The following ARVCF variants were observed in gnomAD, a reference collection of about 807,000 sequenced individuals.
ARVCF encodes the protein ARVCF delta catenin family member.
Under a neutral mutation model 90.9 loss-of-function variants are expected in ARVCF, and 66 were observed. That is an observed-to-expected ratio of 0.73 (90% CI 0.60 to 0.89). The LOEUF (loss-of-function observed/expected upper bound fraction) is 0.89. ARVCF is among the 40% of genes least tolerant of loss of function. The pLI is 0.00. For synonymous variants in ARVCF, 653 were observed against 603.4 expected, an observed-to-expected ratio of 1.08 and a Z score of -1.21; for missense variants, 1,469 against 1,382.3, an observed-to-expected ratio of 1.06 and a Z score of -1.00.
Position 19,980,248 on chromosome 22 carries a change from C to G in ARVCF, c.897-6G>C, listed in dbSNP as rs1943419339. Reference sequence around the variant, plus strand: ...CTGCTGTGTCCTCGTAGGCCCTGCACAGGCAAGTGGGGCGCGTGGACATCG... The same window carrying G: ...CTGCTGTGTCCTCGTAGGCCCTGCAGAGGCAAGTGGGGCGCGTGGACATCG... On this transcript the variant is annotated splice_polypyrimidine_tract_variant and splice_region_variant and intron_variant, in intron 5 of 19. Coordinates refer to ENST00000263207, the MANE Select transcript of ARVCF (RefSeq NM_001670.3). 1 of 1,513,644 alleles carries G rather than the reference C, an allele frequency of 6.6e-7. No homozygotes were observed. The highest frequency in any genetic ancestry group is 1.4e-5 in the African/African-American group (1 of 72,190). 93.8% of individuals were successfully genotyped at this position (1,513,644 alleles called of 1,614,324 possible). A position where few individuals can be genotyped will look rare whatever the true frequency, so the allele number is the denominator to read the frequency against.
At position 19,971,310 on chromosome 22, in the gene ARVCF, G is replaced by C. The variant is rs1465846119; in HGVS notation, c.2807C>G (p.Pro936Arg). The C allele has an allele frequency of 6.4e-7, 1 of 1,555,786 alleles. No homozygotes were observed. The highest frequency in any genetic ancestry group is 1.2e-5 in the South Asian group (1 of 84,542). Residue 936 changes from proline to arginine, a missense_variant, in exon 19 of 20, where the codon CCC (proline) becomes CGC (arginine). By Grantham distance (103) the Pro-to-Arg change is moderately radical (BLOSUM62 -2). Coordinates refer to ENST00000263207, the MANE Select transcript of ARVCF (RefSeq NM_001670.3). Reference sequence around the variant, plus strand: ...GACCGCGGGCCTGCTGGGCCCGGGGGGAGGGGCCTTCCTGCTGGGGTCGAG... The same window carrying C: ...GACCGCGGGCCTGCTGGGCCCGGGGCGAGGGGCCTTCCTGCTGGGGTCGAG... ...LKLDPSRKAP[P>R]PGPSRPAVRL...
At position 19,981,587 on chromosome 22, in the gene ARVCF, G is replaced by A; in HGVS notation, c.520C>T (p.Pro174Ser). The A allele has an allele frequency of 6.2e-7, 1 of 1,606,738 alleles. No homozygotes were observed. Among genetic ancestry groups the A allele is most frequent in the Non-Finnish European group, 8.5e-7 (1 of 1,179,392 alleles). The part of the protein sequence containing the change: ...DRHFLLRGGG[P>S]VATLSRAYLS... ...TAGGCTCGAGAGAGTGTGGCCACTG[G>A]GCCACCACCACGCAGCAGGAAATGC... The change falls in exon 5 of 20, where the codon CCA becomes TCA. Residue 174 changes from proline to serine, a missense_variant. By Grantham distance (74) the Pro-to-Ser change is moderately conservative. Coordinates refer to ENST00000263207, the MANE Select transcript of ARVCF (RefSeq NM_001670.3).
Position 19,971,960 on chromosome 22 carries a change from T to C in ARVCF, c.2707A>G (p.Thr903Ala). The change falls in exon 18 of 20, where the codon ACG (threonine) becomes GCG (alanine). Residue 903 changes from threonine to alanine, a missense_variant. Physicochemically the swap from Thr to Ala is moderately conservative, Grantham distance 58 (BLOSUM62 0). Transcript: ENST00000263207. Reference protein sequence around the residue: ...MDALGPDGYSTVDRRERRPRG... With the variant: ...MDALGPDGYSAVDRRERRPRG... ...GGCCTCCGCTCCCTCCGGTCCACCG[T>C]GGAGTATCCGTCTGTAGATGGGGTA... 6.2e-7 allele frequency: 1 copy of C among 1,610,932 alleles called. No homozygotes were observed. The highest frequency in any genetic ancestry group is 1.1e-5 in the South Asian group (1 of 90,866).
chr22:19,997,603 G>A (rs73387762), intron 2 of ARVCF, among the ~76,000 whole-genome samples: 2,470 of 152,296 alleles, frequency 0.016, 67 homozygotes, highest in African/African-American at 0.056. Context: ...ACTCCAAGCC[G>A]TGGAGTAGTG....
At chr22:19,972,894 G>A (rs771734484) in intron 15 of ARVCF, 31 bp downstream of exon 15, 10 of 1,613,718 alleles carry the variant, frequency 6.2e-6, no homozygotes, top group South Asian at 2.2e-5. Flanking sequence ...AAAGTGAGCA[G>A]GGAATGGAAG....
downstream of ARVCF, chr22:19,967,406 T>C (rs1182359017): frequency 4.2e-6 from 2 of 474,252 alleles, no homozygotes; most frequent in Non-Finnish European, 8.6e-6. Context: ...TTTTTTTTTT[T>C]CTAAATGAAA....
At chr22:19,994,637 AGGATGAACATAT>A (rs1483299660) in intron 2 of ARVCF, among the ~76,000 whole-genome samples, 1 of 41,732 alleles carries the variant, frequency 2.4e-5, no homozygotes, top group Non-Finnish European at 4.2e-5. Context: ...GGGATGGTGG[AGGATGAACATAT>A]GGATGAATGG....
downstream of ARVCF, among the ~76,000 whole-genome samples, chr22:19,965,947 T>C (rs1942367783): frequency 6.6e-6 from 1 of 152,194 alleles, no homozygotes; most frequent in Non-Finnish European, 1.5e-5. Flanking sequence ...CAGATGGGCT[T>C]CACTTGGGCA....
downstream of ARVCF, chr22:19,968,989 A>C (rs1942593051): frequency 2.5e-6 from 1 of 394,276 alleles, no homozygotes; most frequent in Admixed American, 4.0e-5. Context: ...ATGTTTTAAA[A>C]ATATAAAATA....
intron 2 of ARVCF, among the ~76,000 whole-genome samples, chr22:20,005,452 A>T (rs945375193): frequency 3.9e-5 from 6 of 152,164 alleles, no homozygotes; most frequent in African/African-American, 1.4e-4. Context: ...TAAGATCAGT[A>T]TGGCAATTCC....
Position 19,970,594 on chromosome 22 carries a change from G to GGGGGGGGGGGGGGGGGGGC in ARVCF, c.*161_*162insGCCCCCCCCCCCCCCCCCC. ...AGGATGGGGGGAGTGGGGTGGGGGG[G>GGGGGGGGGGGGGGGGGGGC]CAGGAGGGTGTCCCCAAAGTCAGGC... On this transcript the variant is annotated 3_prime_UTR_variant, in exon 20 of 20. Coordinates refer to ENST00000263207, the MANE Select transcript of ARVCF (RefSeq NM_001670.3). 5.7e-6 allele frequency: 3 copies of GGGGGGGGGGGGGGGGGGGC among 524,960 alleles called. No homozygotes were observed. The highest frequency in any genetic ancestry group is 9.5e-6 in the Non-Finnish European group (3 of 316,844). The allele number at this position is 524,960 out of a possible 1,614,324, so 32.5% of individuals were successfully genotyped here.
At chr22:20,012,419 G>A (rs1222661312) in intron 1 of ARVCF, among the ~76,000 whole-genome samples, 2 of 152,224 alleles carry the variant, frequency 1.3e-5, no homozygotes, top group African/African-American at 2.4e-5. Context: ...GGCAGTGGAC[G>A]GACAGAGGGA....
Position 19,981,616 on chromosome 22 carries a change from T to C in ARVCF, c.491A>G (p.Asp164Gly), listed in dbSNP as rs774621901. 33 of 1,607,956 alleles carry C rather than the reference T, an allele frequency of 2.1e-5. No individual in the cohort carries two copies. The highest frequency in any genetic ancestry group is 2.6e-5 in the Non-Finnish European group (31 of 1,179,656). ...PLGPFADGAL[D>G]RHFLLRGGGP... ...ACCACCACGCAGCAGGAAATGCCGG[T>C]CCAGGGCACCATCTGCAAAAGGGCC... Residue 164 changes from aspartate to glycine, a missense_variant, in exon 5 of 20, where the codon GAC becomes GGC. Asp to Gly is a moderately conservative substitution (Grantham distance 94, BLOSUM62 -1). Transcript: ENST00000263207.
chr22:19,969,860 C>T (rs1185447228), downstream of ARVCF: 4 of 985,380 alleles, frequency 4.1e-6, no homozygotes, highest in Admixed American at 6.1e-5. Context: ...AGAAGCCAGC[C>T]ACTTGTGCCA....
chr22:20,007,914 A>T (rs541487095), intron 2 of ARVCF, among the ~76,000 whole-genome samples: 9 of 152,374 alleles, frequency 5.9e-5, no homozygotes, highest in African/African-American at 1.9e-4. Flanking sequence ...TGTGTACAAA[A>T]CTAAAGTAAA....
intron 18 of ARVCF, among the ~76,000 whole-genome samples, 179 bp from the exon 19 acceptor site, chr22:19,971,514 G>A (rs1026028789): frequency 1.4e-4 from 21 of 152,202 alleles, no homozygotes; most frequent in Admixed American, 1.4e-3. Context: ...CCCAGGGCGG[G>A]CACGTGCACA....
intron 2 of ARVCF, among the ~76,000 whole-genome samples, chr22:19,994,139 G>A (rs1349835500): frequency 6.6e-6 from 1 of 152,102 alleles, no homozygotes; most frequent in Non-Finnish European, 1.5e-5. Flanking sequence ...ATGGAGGGTG[G>A]CTGGGGCAGT....
At chr22:19,987,424 C>T (rs1156917529) in intron 3 of ARVCF, among the ~76,000 whole-genome samples, 2 of 145,524 alleles carry the variant, frequency 1.4e-5, no homozygotes, top group East Asian at 4.5e-4. Flanking sequence ...TGGACTTCTG[C>T]TCCCTCCCCC....
rs1569196890 is a variant in ARVCF at position 20,008,622 on chromosome 22, G to GT, written c.-19+1832dup. ...CACATGGGTGTTTACATCAGCCCCT[G>GT]TCCCAGCTGAGCCCTGAGGCTCCCT... On this transcript the variant is annotated intron_variant, in intron 2 of 19. Transcript: ENST00000263207. 2.0e-5 allele frequency among the ~76,000 whole-genome samples: 3 copies of GT among 152,282 alleles called. No homozygotes were observed. In the South Asian group the frequency reaches 6.2e-4, roughly 32 times the overall value.
Sources: allele counts gnomAD v4.1 joint callset (sites outside exome capture counted in the v4.1 genomes callset), GRCh38; gene constraint gnomAD v4.1.1; transcripts MANE v1.5; gene names NCBI Gene and HGNC (gene_info 2026-07-23, HGNC 2026-07-21).